The following PTDSS1 variants were observed in gnomAD, a reference collection of about 807,000 sequenced individuals.
The protein encoded by PTDSS1 is PSS-1.
PTDSS1 carries 45 observed loss-of-function variants against 70.5 expected under a neutral mutation model. That is an observed-to-expected ratio of 0.64 (90% CI 0.50 to 0.82). PTDSS1 has a LOEUF of 0.82. PTDSS1 is among the 40% of genes least tolerant of loss of function. The probability of loss-of-function intolerance (pLI) is 0.00; values close to 1 mark genes in which losing one functional copy is unlikely to be tolerated. For synonymous variants in PTDSS1, 188 were observed against 203.8 expected, an observed-to-expected ratio of 0.92 and a Z score of 0.66; for missense variants, 417 against 586.1, an observed-to-expected ratio of 0.71 and a Z score of 2.98.
intron 4 of PTDSS1, among the ~76,000 whole-genome samples, chr8:96,289,089 T>TA (rs908007696): frequency 3.3e-5 from 5 of 151,948 alleles, no homozygotes; most frequent in Admixed American, 3.3e-4. Context: ...CGCCTGCCAC[T>TA]ACGCCTGGCT....
At chr8:96,322,240 C>T (rs575930276) in intron 10 of PTDSS1, among the ~76,000 whole-genome samples, 1 of 152,236 alleles carries the variant, frequency 6.6e-6, no homozygotes, top group Admixed American at 6.5e-5. Flanking sequence ...CTCTCTGGTC[C>T]CTGTCTTAGT....
In PTDSS1 at chr8:96,295,087, A is replaced by T; in HGVS notation, c.442-11A>T. ...AGTTTCACTAATTATTCTCTTTTTTATTTTAAATAGGAGTATGCTGTGAAC... is the reference window on the plus strand; with the variant it reads ...AGTTTCACTAATTATTCTCTTTTTTTTTTTAAATAGGAGTATGCTGTGAAC... On this transcript the variant is annotated splice_polypyrimidine_tract_variant and intron_variant, in intron 4 of 12. Transcript: ENST00000517309. 6.3e-7 allele frequency: 1 copy of T among 1,587,484 alleles called. No individual in the cohort carries two copies. The highest frequency in any genetic ancestry group is 8.6e-7 in the Non-Finnish European group (1 of 1,168,620).
At position 96,330,286 on chromosome 8, in the gene PTDSS1, G is replaced by A. The variant is rs1251888035; in HGVS notation, c.1242+5G>A. ...CACTATGGTCACCGAGAAAAGGTAT[G>A]GAAGGAGAGGCAGGCATGGCCATTG... On this transcript the variant is annotated splice_donor_5th_base_variant and intron_variant, in intron 11 of 12. Coordinates refer to ENST00000517309, the MANE Select transcript of PTDSS1 (RefSeq NM_014754.3). 1 of 1,606,072 alleles carries A rather than the reference G, an allele frequency of 6.2e-7. No individual in the cohort carries two copies. Among genetic ancestry groups the A allele is most frequent in the African/African-American group, 1.3e-5 (1 of 74,704 alleles).
chr8:96,298,894 G>A (rs563727464), intron 5 of PTDSS1, among the ~76,000 whole-genome samples: 30 of 152,132 alleles, frequency 2.0e-4, no homozygotes, highest in African/African-American at 7.2e-4. Flanking sequence ...ACAAAAATTA[G>A]CCGGGCATGG....
chr8:96,284,522 G>A (rs182419063), intron 3 of PTDSS1, among the ~76,000 whole-genome samples: 2 of 152,304 alleles, frequency 1.3e-5, no homozygotes, highest in African/African-American at 2.4e-5. Flanking sequence ...TGAGCATCTG[G>A]AAGGGAATGA....
At chr8:96,278,972 C>CT (rs36085094) in intron 2 of PTDSS1, among the ~76,000 whole-genome samples, 35,411 of 122,660 alleles carry the variant, frequency 0.29, 5,866 homozygotes, top group Non-Finnish European at 0.34. Context: ...TTCAGCCCCC[C>CT]TTTTTTTTTT....
intron 11 of PTDSS1, 25 bp downstream of exon 11, chr8:96,330,306 C>T: frequency 6.3e-7 from 1 of 1,591,724 alleles, no homozygotes; most frequent in African/African-American, 1.3e-5. Flanking sequence ...GCAGGCATGG[C>T]CATTGTTTAA....
chr8:96,276,962 A>G (rs1338668362), intron 2 of PTDSS1, among the ~76,000 whole-genome samples: 1 of 129,824 alleles, frequency 7.7e-6, no homozygotes, highest in Non-Finnish European at 1.5e-5. Context: ...CCGGGCACAT[A>G]CACGCGCGCA....
rs949480874 is a variant in PTDSS1, at chr8:96,333,412, T to C, written c.1313-45T>C. On this transcript the variant is annotated intron_variant, in intron 12 of 12. Transcript: ENST00000517309. ...CGGTCTGGAAAGGGACAGTCACCAA[T>C]CTCCAGAGCCCAGGGTGACGGTGTG... 4.5e-6 allele frequency: 7 copies of C among 1,548,542 alleles called. No individual in the cohort carries two copies. In the African/African-American group the frequency reaches 9.5e-5, roughly 21 times the overall value.
At chr8:96,293,645 G>A (rs753802132) in intron 4 of PTDSS1, among the ~76,000 whole-genome samples, 15 of 152,390 alleles carry the variant, frequency 9.8e-5, no homozygotes, top group Non-Finnish European at 2.1e-4. Context: ...ACTGCAAATA[G>A]ACGGATTGGT....
intron 1 of PTDSS1, among the ~76,000 whole-genome samples, chr8:96,272,683 T>C (rs1810583528): frequency 6.6e-6 from 1 of 152,212 alleles, no homozygotes; most frequent in Non-Finnish European, 1.5e-5. Context: ...TGGTTGATAA[T>C]ACTTCCATTT....
Position 96,319,136 on chromosome 8 carries a change from A to G in PTDSS1, c.1074-1110A>G, listed in dbSNP as rs1811337663. Among the ~76,000 whole-genome samples, 4 of 150,150 alleles carry G rather than the reference A, an allele frequency of 2.7e-5. No homozygotes were observed. In the South Asian group the frequency reaches 8.4e-4, roughly 32 times the overall value. ...ACCATCTTGGTCAGGCTGGTCTTGA[A>G]CTCCTGAGTTCAAGTGATCCGCTCG... On this transcript the variant is annotated intron_variant, in intron 9 of 12. Coordinates refer to ENST00000517309, the MANE Select transcript of PTDSS1 (RefSeq NM_014754.3).
intron 2 of PTDSS1, among the ~76,000 whole-genome samples, chr8:96,274,798 G>A (rs934762568): frequency 4.6e-5 from 7 of 152,132 alleles, no homozygotes. Context: ...AGACTCATAC[G>A]TAGCACTGCG....
chr8:96,291,432 C>A (rs1015899451), intron 4 of PTDSS1, among the ~76,000 whole-genome samples: 3 of 151,730 alleles, frequency 2.0e-5, no homozygotes, highest in African/African-American at 7.3e-5. Flanking sequence ...AGGAATTAAA[C>A]CTAAAATAGA....
At chr8:96,315,550 C>G (rs1451500173) in intron 9 of PTDSS1, among the ~76,000 whole-genome samples, 1 of 152,178 alleles carries the variant, frequency 6.6e-6, no homozygotes, top group Non-Finnish European at 1.5e-5. Context: ...ACTCAACTCA[C>G]CGAAGAGCTC....
chr8:96,301,918 A>C (rs958752193), intron 6 of PTDSS1, among the ~76,000 whole-genome samples: 4 of 152,112 alleles, frequency 2.6e-5, no homozygotes, highest in African/African-American at 9.7e-5. Context: ...TGTTTTTGCC[A>C]TTGGTTAACC....
rs778128408 is a variant in PTDSS1 at position 96,295,220 on chromosome 8, C to G, written c.564C>G (p.Leu188=). Residue 188 remains leucine, a synonymous_variant, in exon 5 of 13, where the codon CTC becomes CTG. Coordinates refer to ENST00000517309, the MANE Select transcript of PTDSS1 (RefSeq NM_014754.3). ...MKALLIRSYG[L]CWTISITWEL... ...CCTTGCTGATCCGTAGTTACGGTCT[C>G]TGCTGGACAATCAGTATTACCTGGG... 1 of 1,614,150 alleles carries G rather than the reference C, an allele frequency of 6.2e-7. No individual in the cohort carries two copies. Among genetic ancestry groups the G allele is most frequent in the Non-Finnish European group, 8.5e-7 (1 of 1,180,004 alleles).
chr8:96,264,624 A>G (rs946975408), intron 1 of PTDSS1, among the ~76,000 whole-genome samples: 3 of 152,198 alleles, frequency 2.0e-5, no homozygotes, highest in Admixed American at 1.3e-4. Flanking sequence ...AGAAGCAAGA[A>G]TGAGCCATTT....
rs780200245 is a variant in PTDSS1 at position 96,333,425 on chromosome 8, G to A, written c.1313-32G>A. The A allele has an allele frequency of 8.3e-6, 13 of 1,568,712 alleles. No individual in the cohort carries two copies. The East Asian group carries it at 2.7e-4, about 32-fold the overall frequency. ...GACAGTCACCAATCTCCAGAGCCCA[G>A]GGTGACGGTGTGCTCTGATTCCTTT... On this transcript the variant is annotated intron_variant, in intron 12 of 12. Transcript: ENST00000517309.
Sources: gnomAD v4.1 joint callset for allele counts (sites outside exome capture counted in the v4.1 genomes callset) on GRCh38, gnomAD v4.1.1 for gene constraint, MANE v1.5 for transcripts, NCBI Gene and HGNC (gene_info 2026-07-23, HGNC 2026-07-21) for gene names.